The following UBE2H variants were observed in gnomAD, a reference collection of about 807,000 sequenced individuals.
UBE2H encodes ubiquitin-conjugating enzyme E2 H.
In UBE2H, 3 loss-of-function variants were observed where a neutral mutation model predicts 29.0. That is an observed-to-expected ratio of 0.10 (90% CI 0.05 to 0.27). The LOEUF is 0.27. Among genes scored for constraint, UBE2H ranks in the 10% least tolerant of loss-of-function variants. The pLI is 1.00. For missense variants in UBE2H, 68 were observed against 228.2 expected (o/e 0.30, Z 4.52); for synonymous variants, 69 against 82.9 (o/e 0.83, Z 0.91).
At chr7:129,914,138 G>A (rs1042548360) in intron 1 of UBE2H, among the ~76,000 whole-genome samples, 8 of 151,900 alleles carry the variant, frequency 5.3e-5, no homozygotes, top group Admixed American at 4.6e-4. Context: ...AGCAGACAAC[G>A]TATCAAGTTC....
intron 1 of UBE2H, among the ~76,000 whole-genome samples, chr7:129,937,438 T>C (rs944231627): frequency 2.0e-5 from 3 of 152,202 alleles, no homozygotes; most frequent in Non-Finnish European, 4.4e-5. Flanking sequence ...GGTTTATATG[T>C]TATATATAAA....
chr7:129,914,427 G>A (rs965765074), intron 1 of UBE2H, among the ~76,000 whole-genome samples: 10 of 152,002 alleles, frequency 6.6e-5, no homozygotes, highest in African/African-American at 2.2e-4. Flanking sequence ...TTGGCCTCCC[G>A]AAGTGCTGGG....
At chr7:129,937,296 T>C (rs983311499) in intron 1 of UBE2H, among the ~76,000 whole-genome samples, 2 of 151,760 alleles carry the variant, frequency 1.3e-5, no homozygotes, top group African/African-American at 2.4e-5. Context: ...ACAACTGCAC[T>C]TCGGCCTGGG....
intron 1 of UBE2H, among the ~76,000 whole-genome samples, chr7:129,914,120 T>C (rs556816313): frequency 3.3e-5 from 5 of 152,018 alleles, no homozygotes; most frequent in African/African-American, 7.2e-5. Context: ...AGGTGCAACA[T>C]AGCTGCCAGC....
chr7:129,934,275 A>C (rs895775174), intron 1 of UBE2H, among the ~76,000 whole-genome samples: 3 of 149,098 alleles, frequency 2.0e-5, no homozygotes, highest in African/African-American at 7.4e-5. Flanking sequence ...TGAGCCGAGA[A>C]AGCACCACTG....
At chr7:129,840,987 C>A (rs1805418543) in intron 5 of UBE2H, among the ~76,000 whole-genome samples, 1 of 152,202 alleles carries the variant, frequency 6.6e-6, no homozygotes, top group Admixed American at 6.5e-5. Flanking sequence ...AGCGGTGCTA[C>A]TGGCATCCGG....
intron 1 of UBE2H, among the ~76,000 whole-genome samples, chr7:129,919,100 T>TAAAAAAAAAAAAAAA (rs1204331286): frequency 3.9e-4 from 28 of 72,144 alleles, no homozygotes; most frequent in South Asian, 5.9e-4. Flanking sequence ...AAAAACAAAG[T>TAAAAAAAAAAAAAAA]AAAAAAAAAA....
intron 1 of UBE2H, among the ~76,000 whole-genome samples, chr7:129,934,723 T>G (rs1357912891): frequency 1.3e-5 from 2 of 150,582 alleles, no homozygotes; most frequent in Non-Finnish European, 3.0e-5. Flanking sequence ...AGGAGTAATT[T>G]CAACTGCTTA....
chr7:129,857,591 T>A (rs1474787160), intron 4 of UBE2H, 28 bp from the exon 5 acceptor site: 2 of 1,601,828 alleles, frequency 1.2e-6, no homozygotes, highest in African/African-American at 2.7e-5. Flanking sequence ...AATGGCATGT[T>A]TTTAAAAATT....
chr7:129,870,461 A>C (rs1213090574), intron 3 of UBE2H, among the ~76,000 whole-genome samples: 1 of 152,136 alleles, frequency 6.6e-6, no homozygotes, highest in African/African-American at 2.4e-5. Context: ...CAAAAAATGC[A>C]AAAAAATTAG....
intron 1 of UBE2H, among the ~76,000 whole-genome samples, chr7:129,883,808 C>T (rs1411685406): frequency 6.6e-6 from 1 of 152,056 alleles, no homozygotes; most frequent in African/African-American, 2.4e-5. Context: ...CACCACTGTA[C>T]TCCAGCCTGG....
chr7:129,904,596 T>C (rs912113241), intron 1 of UBE2H, among the ~76,000 whole-genome samples: 1 of 152,236 alleles, frequency 6.6e-6, no homozygotes, highest in Non-Finnish European at 1.5e-5. Flanking sequence ...GAAATTCGAC[T>C]TCCAAGAGGG....
chr7:129,936,870 C>T (rs1320149023), intron 1 of UBE2H, among the ~76,000 whole-genome samples: 1 of 150,978 alleles, frequency 6.6e-6, no homozygotes, highest in Non-Finnish European at 1.5e-5. Flanking sequence ...CCCAGCTACC[C>T]AGGAGGCTGA....
intron 1 of UBE2H, among the ~76,000 whole-genome samples, chr7:129,885,780 G>A (rs1806348202): frequency 6.6e-6 from 1 of 152,142 alleles, no homozygotes; most frequent in African/African-American, 2.4e-5. Flanking sequence ...CACTAAATGA[G>A]ATAGAAAAAA....
chr7:129,893,438 A>G (rs1450569968), intron 1 of UBE2H, among the ~76,000 whole-genome samples: 1 of 152,194 alleles, frequency 6.6e-6, no homozygotes, highest in Admixed American at 6.6e-5. Flanking sequence ...AAATCTAAGT[A>G]CCACACCCCC....
chr7:129,875,363 T>C (rs1806126066), intron 3 of UBE2H, among the ~76,000 whole-genome samples: 1 of 152,232 alleles, frequency 6.6e-6, no homozygotes, highest in Non-Finnish European at 1.5e-5. Context: ...TCCACTAAGA[T>C]GCACTATCAC....
intron 5 of UBE2H, among the ~76,000 whole-genome samples, chr7:129,856,338 A>G (rs1019886739): frequency 5.3e-5 from 8 of 152,162 alleles, no homozygotes; most frequent in African/African-American, 1.7e-4. Flanking sequence ...CCTCTCAGCA[A>G]TGGTTACCTG....
chr7:129,849,942 T>TA (rs1342297581), intron 5 of UBE2H, among the ~76,000 whole-genome samples: 2 of 152,162 alleles, frequency 1.3e-5, no homozygotes, highest in Non-Finnish European at 2.9e-5. Context: ...CTTTAAAAGA[T>TA]AAAGTCTTAA....
intron 1 of UBE2H, among the ~76,000 whole-genome samples, chr7:129,927,205 G>T (rs1369888053): frequency 6.6e-6 from 1 of 152,270 alleles, no homozygotes; most frequent in East Asian, 1.9e-4. Flanking sequence ...GTTAATAATA[G>T]AATTCAGTAA....
Sources: gnomAD v4.1 joint callset for allele counts (sites outside exome capture counted in the v4.1 genomes callset) on GRCh38, gnomAD v4.1.1 for gene constraint, MANE v1.5 for transcripts, NCBI Gene and HGNC (gene_info 2026-07-23, HGNC 2026-07-21) for gene names.